The following SWT1 variants were observed in gnomAD, a reference collection of about 807,000 sequenced individuals.
SWT1 encodes SWT1 RNA endoribonuclease homolog.
SWT1 carries 33 observed loss-of-function variants against 107.3 expected under a neutral mutation model. The ratio of observed to expected loss-of-function variants is 0.31; its 90% CI spans 0.23 to 0.41. The LOEUF is 0.41. Among genes scored for constraint, SWT1 ranks in the 10% least tolerant of loss-of-function variants. The pLI is 1.00. For synonymous variants in SWT1, 345 were observed against 348.3 expected (o/e 0.99, Z 0.11); for missense variants, 898 against 1,028.9 (o/e 0.87, Z 1.74).
chr1:185,239,220 C>A (rs2102601263), intron 16 of SWT1, among the ~76,000 whole-genome samples: 1 of 152,220 alleles, frequency 6.6e-6, no homozygotes, highest in East Asian at 1.9e-4. Flanking sequence ...CATTTACCCT[C>A]TAAGTCACAG....
chr1:185,248,458 G>A (rs1433095845), intron 16 of SWT1, among the ~76,000 whole-genome samples: 1 of 152,134 alleles, frequency 6.6e-6, no homozygotes, highest in African/African-American at 2.4e-5. Context: ...AGAAGTCCAT[G>A]TTCAGAAATT....
intron 15 of SWT1, among the ~76,000 whole-genome samples, chr1:185,223,781 T>C (rs1447915040): frequency 6.6e-6 from 1 of 152,226 alleles, no homozygotes; most frequent in Non-Finnish European, 1.5e-5. Flanking sequence ...TTGTTTTTCC[T>C]GATCCTCTCC....
intron 5 of SWT1, 29 bp from the exon 6 acceptor site, chr1:185,180,361 TC>T: frequency 6.3e-7 from 1 of 1,578,326 alleles, no homozygotes; most frequent in Non-Finnish European, 8.7e-7. Flanking sequence ...TATGCTTTAT[TC>T]TTAGCTAATG....
chr1:185,260,707 AG>A (rs1240148149), intron 16 of SWT1, among the ~76,000 whole-genome samples: 1 of 152,132 alleles, frequency 6.6e-6, no homozygotes, highest in Non-Finnish European at 1.5e-5. Context: ...GTCAAGTGAA[AG>A]GGTTGTGTTT....
intron 15 of SWT1, among the ~76,000 whole-genome samples, chr1:185,229,332 A>G (rs1001937780): frequency 1.4e-4 from 22 of 152,188 alleles, no homozygotes; most frequent in African/African-American, 5.3e-4. Context: ...GAGCAAAAAT[A>G]GTAGTACCCA....
At chr1:185,282,765 C>G (rs944316710) in intron 18 of SWT1, among the ~76,000 whole-genome samples, 2 of 152,010 alleles carry the variant, frequency 1.3e-5, no homozygotes, top group African/African-American at 4.8e-5. Context: ...AATTATAGTA[C>G]ACCGAGTCGG....
Position 185,272,055 on chromosome 1 carries a change from T to A in SWT1, c.2508+666T>A, listed in dbSNP as rs141614795. Among the ~76,000 whole-genome samples, 548 of 152,310 alleles carry A rather than the reference T, an allele frequency of 3.6e-3. 19 individuals are homozygous for A. Among genetic ancestry groups the A allele is most frequent in the Admixed American group, 0.031 (473 of 15,306 alleles). On this transcript the variant is annotated intron_variant, in intron 17 of 18. Transcript: ENST00000367500. ...TAAATGCCTGTAGCGATACCAGTTG[T>A]TGTGACAACCAAAAGTATTCCATCT...
At position 185,187,544 on chromosome 1, in the gene SWT1, A is replaced by G. The variant is rs2102398312; in HGVS notation, c.1429+2613A>G. On this transcript the variant is annotated intron_variant, in intron 9 of 18. Coordinates refer to ENST00000367500, the MANE Select transcript of SWT1 (RefSeq NM_017673.7). The stretch of plus-strand genomic sequence containing the variant: ...TTGGCCCTGTAACAGTGAATAAGAA[A>G]GATAAACCCTACTGTTGAGGAGGTT... Among the ~76,000 whole-genome samples the G allele has an allele frequency of 1.3e-5, 2 of 152,334 alleles. 1 individual carries two copies. Among genetic ancestry groups the G allele is most frequent in the East Asian group, 3.9e-4 (2 of 5,188 alleles).
chr1:185,240,313 T>G (rs2102605135), intron 16 of SWT1, among the ~76,000 whole-genome samples: 1 of 152,260 alleles, frequency 6.6e-6, no homozygotes, highest in Non-Finnish European at 1.5e-5. Context: ...TGTAAAACTT[T>G]GCATATGTGA....
At chr1:185,246,002 A>G (rs1661580011) in intron 16 of SWT1, among the ~76,000 whole-genome samples, 1 of 152,112 alleles carries the variant, frequency 6.6e-6, no homozygotes, top group Admixed American at 6.6e-5. Context: ...TCCTGACCTC[A>G]GGTGATCTGC....
At chr1:185,255,270 G>T (rs534466255) in intron 16 of SWT1, among the ~76,000 whole-genome samples, 92 of 150,596 alleles carry the variant, frequency 6.1e-4, no homozygotes, top group African/African-American at 2.1e-3. Context: ...ATTTGGGGTG[G>T]AGAGTTCTGT....
intron 16 of SWT1, among the ~76,000 whole-genome samples, chr1:185,232,898 A>G (rs1660598350): frequency 6.6e-6 from 1 of 152,144 alleles, no homozygotes; most frequent in South Asian, 2.1e-4. Flanking sequence ...TTCATATGTA[A>G]TTAGTCTGGG....
rs74134440 is a variant in SWT1 at position 185,214,698 on chromosome 1, A to G, written c.2121+43A>G. On this transcript the variant is annotated intron_variant, in intron 14 of 18. Coordinates refer to ENST00000367500, the MANE Select transcript of SWT1 (RefSeq NM_017673.7). ...TGCCAGTTAGAGTAGCTAATTATAC[A>G]TGTTCTGAAAATGTGTTTAGCAGAC... 5.1e-4 allele frequency: 783 copies of G among 1,524,248 alleles called. 4 individuals carry two copies. In the African/African-American group the frequency reaches 9.7e-3, roughly 19 times the overall value. 94.4% of individuals were successfully genotyped at this position (1,524,248 alleles called of 1,614,324 possible).
intron 16 of SWT1, among the ~76,000 whole-genome samples, chr1:185,262,088 A>G (rs1430259799): frequency 2.6e-5 from 4 of 152,194 alleles, no homozygotes; most frequent in Non-Finnish European, 5.9e-5. Context: ...TATTTGTCAT[A>G]TTACAGTGGA....
rs1360592002 is a variant in SWT1 at position 185,202,685 on chromosome 1, A to G, written c.1555A>G (p.Ile519Val). 3 of 1,608,988 alleles carry G rather than the reference A, an allele frequency of 1.9e-6. No individual in the cohort carries two copies. The highest frequency in any genetic ancestry group is 1.3e-5 in the African/African-American group (1 of 74,624). Residue 519 changes from isoleucine to valine, a missense_variant, in exon 11 of 19, where the codon ATA becomes GTA. By Grantham distance (29) the Ile-to-Val change is conservative (BLOSUM62 3). Coordinates refer to ENST00000367500, the MANE Select transcript of SWT1 (RefSeq NM_017673.7). ...TAGAAACTTAAGAAACAAAGGCCTA[A>G]TAAGTGGTGTGAAGTCACTCAGTAA... ...DDRNLRNKGL[I>V]SGVKSLSKEE...
At chr1:185,167,633 C>T (rs1028995559) in intron 3 of SWT1, among the ~76,000 whole-genome samples, 2 of 152,184 alleles carry the variant, frequency 1.3e-5, no homozygotes, top group African/African-American at 4.8e-5. Flanking sequence ...ATTCAGGGCT[C>T]TCTCAAATTT....
chr1:185,160,772 CAA>C, intron 1 of SWT1, 59 bp from the exon 2 acceptor site: 1 of 1,216,116 alleles, frequency 8.2e-7, no homozygotes, highest in South Asian at 1.4e-5. Flanking sequence ...TGAAAGAAGA[CAA>C]ATTTCTATTT....
chr1:185,257,042 G>T (rs1182500699), intron 16 of SWT1, among the ~76,000 whole-genome samples: 1 of 152,014 alleles, frequency 6.6e-6, no homozygotes, highest in Non-Finnish European at 1.5e-5. Flanking sequence ...ACCCTGCCGT[G>T]TGAGGTGTCA....
Position 185,171,276 on chromosome 1 carries a change from A to G in SWT1, c.224+2878A>G, listed in dbSNP as rs1001297742. ...TGCACAGATACAAGGATGAACCACC[A>G]TTTTGGTTCCCAAGTTTTATTCAAG... On this transcript the variant is annotated intron_variant, in intron 4 of 18. Transcript: ENST00000367500. The G allele has an allele frequency of 1.6e-5, 3 of 192,530 alleles. No individual in the cohort carries two copies. The Admixed American group carries it at 1.8e-4, about 12-fold the overall frequency. The allele number at this position is 192,530 out of a possible 1,614,324, so 11.9% of individuals were successfully genotyped here.
Sources: gnomAD v4.1 joint callset for allele counts (sites outside exome capture counted in the v4.1 genomes callset) on GRCh38, gnomAD v4.1.1 for gene constraint, MANE v1.5 for transcripts, NCBI Gene and HGNC (gene_info 2026-07-23, HGNC 2026-07-21) for gene names.